B3GALT1: variants seen among roughly 807,000 people sequenced by gnomAD.
B3GALT1 encodes the protein beta-1,3-galactosyltransferase 1.
In B3GALT1, 10 loss-of-function variants were observed where a neutral mutation model predicts 23.2. The observed-to-expected ratio is 0.43, with a 90% CI of 0.27 to 0.73. The LOEUF is 0.73. B3GALT1 is among the 30% of genes least tolerant of loss of function. B3GALT1 has a pLI of 0.21. For missense variants in B3GALT1, 299 were observed against 405.4 expected (o/e 0.74, Z 2.25); for synonymous variants, 156 against 141.5 (o/e 1.10, Z -0.73).
At chr2:167,404,157 T>G (rs1258296955) in intron 1 of B3GALT1, among the ~76,000 whole-genome samples, 1 of 151,988 alleles carries the variant, frequency 6.6e-6, no homozygotes, top group Non-Finnish European at 1.5e-5. Context: ...AGAGATCACA[T>G]GGCAAGAAAG....
chr2:167,611,426 A>G (rs1685064722), intron 2 of B3GALT1, among the ~76,000 whole-genome samples: 1 of 151,888 alleles, frequency 6.6e-6, no homozygotes, highest in East Asian at 1.9e-4. Flanking sequence ...TTTTCTCAAA[A>G]TTCTCCCTCT....
intron 3 of B3GALT1, among the ~76,000 whole-genome samples, chr2:167,664,179 T>C (rs900475023): frequency 6.7e-6 from 1 of 150,112 alleles, no homozygotes; most frequent in Non-Finnish European, 1.5e-5. Flanking sequence ...TTTCTACATA[T>C]GGCTAGCCAG....
intron 2 of B3GALT1, among the ~76,000 whole-genome samples, chr2:167,541,972 A>G (rs550006118): frequency 4.2e-4 from 64 of 152,212 alleles, no homozygotes; most frequent in African/African-American, 1.5e-3. Context: ...CCATGTTTGT[A>G]TGGCAATATT....
chr2:167,546,818 A>G (rs773620825), intron 2 of B3GALT1, among the ~76,000 whole-genome samples: 2 of 152,222 alleles, frequency 1.3e-5, no homozygotes, highest in East Asian at 1.9e-4. Context: ...ACATCTTTCA[A>G]CATCACCAAC....
At chr2:167,325,691 C>T (rs1188732413) in intron 1 of B3GALT1, among the ~76,000 whole-genome samples, 4 of 141,734 alleles carry the variant, frequency 2.8e-5, no homozygotes, top group African/African-American at 5.1e-5. Flanking sequence ...GAGAAATCTC[C>T]ACCCTGTTTT....
chr2:167,763,036 G>A (rs1347135334), intron 3 of B3GALT1, among the ~76,000 whole-genome samples: 2 of 152,096 alleles, frequency 1.3e-5, no homozygotes, highest in Non-Finnish European at 2.9e-5. Flanking sequence ...GAAATAAAAT[G>A]CATTTTTTCT....
chr2:167,356,377 A>AT (rs1697404417), intron 1 of B3GALT1, among the ~76,000 whole-genome samples: 1 of 152,162 alleles, frequency 6.6e-6, no homozygotes, highest in Admixed American at 6.5e-5. Context: ...TATTTATTTG[A>AT]TTTTTGTGAT....
chr2:167,295,060 A>G (rs899664592), intron 1 of B3GALT1, among the ~76,000 whole-genome samples: 2 of 152,190 alleles, frequency 1.3e-5, no homozygotes, highest in African/African-American at 4.8e-5. Flanking sequence ...ATTTTCTCCC[A>G]ATTTAACAAC....
chr2:167,543,339 T>A (rs978990472), intron 2 of B3GALT1, among the ~76,000 whole-genome samples: 8 of 152,196 alleles, frequency 5.3e-5, no homozygotes, highest in Non-Finnish European at 1.2e-4. Context: ...GAGATAAAAT[T>A]AATAAACTTT....
At chr2:167,410,713 A>G (rs535425761) in intron 1 of B3GALT1, among the ~76,000 whole-genome samples, 17 of 152,198 alleles carry the variant, frequency 1.1e-4, no homozygotes, top group Non-Finnish European at 2.1e-4. Context: ...ACAAGCCTGC[A>G]TATTCTGCAC....
intron 2 of B3GALT1, among the ~76,000 whole-genome samples, chr2:167,612,085 G>C (rs997808585): frequency 6.6e-6 from 1 of 151,934 alleles, no homozygotes; most frequent in African/African-American, 2.4e-5. Flanking sequence ...TCAGAGGGTT[G>C]GTGATAGCCT....
chr2:167,505,716 C>G (rs1699908054), intron 2 of B3GALT1, among the ~76,000 whole-genome samples: 1 of 151,978 alleles, frequency 6.6e-6, no homozygotes, highest in South Asian at 2.1e-4. Flanking sequence ...AAAAATAATA[C>G]AACTGGGAAA....
intron 4 of B3GALT1, among the ~76,000 whole-genome samples, chr2:167,843,845 G>A (rs1007332861): frequency 3.9e-5 from 6 of 152,214 alleles, no homozygotes; most frequent in Non-Finnish European, 5.9e-5. Context: ...GGCACTATGA[G>A]TATGATCTGA....
At chr2:167,414,956 G>A (rs904925078) in intron 1 of B3GALT1, among the ~76,000 whole-genome samples, 1 of 152,188 alleles carries the variant, frequency 6.6e-6, no homozygotes, top group African/African-American at 2.4e-5. Flanking sequence ...TGCTTTTCAA[G>A]TGAGAAGGAA....
intron 1 of B3GALT1, among the ~76,000 whole-genome samples, chr2:167,391,432 T>C (rs1574060657): frequency 6.6e-6 from 1 of 152,338 alleles, no homozygotes; most frequent in East Asian, 1.9e-4. Flanking sequence ...TAATATTGGA[T>C]TTTAAGCCTA....
At chr2:167,602,854 G>A (rs1684899635) in intron 2 of B3GALT1, among the ~76,000 whole-genome samples, 1 of 151,876 alleles carries the variant, frequency 6.6e-6, no homozygotes, top group East Asian at 1.9e-4. Context: ...CTATTTAGTA[G>A]GCTGGTCCCA....
chr2:167,690,868 C>CA (rs1235504908), intron 3 of B3GALT1, among the ~76,000 whole-genome samples: 4 of 152,062 alleles, frequency 2.6e-5, no homozygotes, highest in Non-Finnish European at 4.4e-5. Flanking sequence ...AAATTATTTG[C>CA]ATGCAGAAGA....
chr2:167,455,932 A>C (rs1032830441), intron 1 of B3GALT1, among the ~76,000 whole-genome samples: 1 of 152,206 alleles, frequency 6.6e-6, no homozygotes. Context: ...CAACACATAT[A>C]TAATCACCTA....
chr2:167,700,620 T>A (rs1439988195), intron 3 of B3GALT1, among the ~76,000 whole-genome samples: 1 of 152,194 alleles, frequency 6.6e-6, no homozygotes, highest in African/African-American at 2.4e-5. Context: ...GGAACACCCC[T>A]TTGCTGCTAT....
Sources: allele counts gnomAD v4.1 joint callset (sites outside exome capture counted in the v4.1 genomes callset), GRCh38; gene constraint gnomAD v4.1.1; transcripts MANE v1.5; gene names NCBI Gene and HGNC (gene_info 2026-07-23, HGNC 2026-07-21).